Variants in PRELID2 observed in about 807,000 individuals in gnomAD.
The protein encoded by PRELID2 is PRELI domain-containing protein 2.
In PRELID2, 25 loss-of-function variants were observed where a neutral mutation model predicts 28.4. The ratio of observed to expected loss-of-function variants is 0.88; its 90% CI spans 0.64 to 1.23. The LOEUF (loss-of-function observed/expected upper bound fraction) is 1.23, where lower values mean the gene tolerates loss of function less well. PRELID2 is among the 50% of genes most tolerant of loss of function. The pLI, the probability that PRELID2 is intolerant of heterozygous loss-of-function variation, is 0.00. For missense variants in PRELID2, 201 were observed against 214.4 expected (o/e 0.94, Z 0.39); for synonymous variants, 76 against 71.6 (o/e 1.06, Z -0.31).
At chr5:145,617,439 T>C (rs1426534207) in intron 1 of PRELID2, among the ~76,000 whole-genome samples, 1 of 152,156 alleles carries the variant, frequency 6.6e-6, no homozygotes, top group East Asian at 1.9e-4. Flanking sequence ...TCTTCACAAT[T>C]TATATTCTTC....
At position 145,484,958 on chromosome 5, in the gene PRELID2, G is replaced by T. The variant is rs117392079; in HGVS notation, n.71-11643C>A. Reference sequence around the variant, plus strand: ...GGAGCTACTACCAGGGGCTCTTCTAGCTTCTGAGGGTACAAAGGTGAATGA... The same window carrying T: ...GGAGCTACTACCAGGGGCTCTTCTATCTTCTGAGGGTACAAAGGTGAATGA... On this transcript the variant is annotated intron_variant and non_coding_transcript_variant, in intron 1 of 2. Coordinates refer to the PRELID2 transcript ENST00000510259. 2.6e-4 allele frequency among the ~76,000 whole-genome samples: 39 copies of T among 152,296 alleles called. No homozygotes were observed. In the East Asian group the frequency reaches 6.6e-3, roughly 26 times the overall value.
chr5:145,562,732 A>ATTT, intron 1 of PRELID2, among the ~76,000 whole-genome samples: 1 of 152,244 alleles, frequency 6.6e-6, no homozygotes, highest in Non-Finnish European at 1.5e-5. Flanking sequence ...AATCATGAAA[A>ATTT]AGAACCATAG....
chr5:145,761,426 T>C (rs1757469902), intron 6 of PRELID2, among the ~76,000 whole-genome samples: 1 of 152,174 alleles, frequency 6.6e-6, no homozygotes, highest in South Asian at 2.1e-4. Flanking sequence ...TGTCTTAATA[T>C]AAAATCAGCC....
chr5:145,510,341 C>T (rs779269906), intron 1 of PRELID2, among the ~76,000 whole-genome samples: 2 of 152,170 alleles, frequency 1.3e-5, no homozygotes, highest in African/African-American at 4.8e-5. Flanking sequence ...AGACTTTTTT[C>T]TCTCCATTGA....
At chr5:145,602,719 T>A (rs574416060) in intron 1 of PRELID2, among the ~76,000 whole-genome samples, 1 of 152,212 alleles carries the variant, frequency 6.6e-6, no homozygotes, top group African/African-American at 2.4e-5. Flanking sequence ...GAGAACTCAA[T>A]GGATAGGTTT....
At chr5:145,597,529 A>G (rs988208566) in intron 1 of PRELID2, among the ~76,000 whole-genome samples, 4 of 152,188 alleles carry the variant, frequency 2.6e-5, no homozygotes, top group African/African-American at 9.6e-5. Flanking sequence ...TGAACAATAC[A>G]ATACTGCCAA....
the PRELID2 span, among the ~76,000 whole-genome samples, chr5:145,436,819 C>T: frequency 2.0e-5 from 3 of 152,098 alleles, no homozygotes; most frequent in African/African-American, 7.2e-5. Flanking sequence ...CCTCCTTCTT[C>T]CTAACTCTTC....
the PRELID2 span, among the ~76,000 whole-genome samples, chr5:145,288,178 G>A: frequency 6.6e-6 from 1 of 152,076 alleles, no homozygotes; most frequent in Non-Finnish European, 1.5e-5. Context: ...GTCTTTGGAA[G>A]GAAGTTACTA....
intron 1 of PRELID2, among the ~76,000 whole-genome samples, chr5:145,737,788 A>ATGG (rs1561564907): frequency 2.6e-5 from 4 of 152,034 alleles, no homozygotes; most frequent in Non-Finnish European, 5.9e-5. Context: ...CAGGGAGGGC[A>ATGG]GGGGGCCAAT....
At chr5:145,417,096 A>G in the PRELID2 span, among the ~76,000 whole-genome samples, 2 of 152,140 alleles carry the variant, frequency 1.3e-5, no homozygotes, top group African/African-American at 4.8e-5. Context: ...CCACAGAAAT[A>G]CAACCATTAG....
chr5:145,693,325 C>T (rs1254672268), intron 1 of PRELID2, among the ~76,000 whole-genome samples: 1 of 151,694 alleles, frequency 6.6e-6, no homozygotes, highest in Non-Finnish European at 1.5e-5. Flanking sequence ...TTTTTGTATG[C>T]TTGGTAGAGA....
chr5:145,518,493 C>T (rs1331594585), intron 1 of PRELID2, among the ~76,000 whole-genome samples: 1 of 152,080 alleles, frequency 6.6e-6, no homozygotes, highest in African/African-American at 2.4e-5. Flanking sequence ...CCACCACGCC[C>T]GGCCATGAGT....
chr5:145,613,273 A>G (rs1406359326), intron 1 of PRELID2, among the ~76,000 whole-genome samples: 2 of 151,830 alleles, frequency 1.3e-5, no homozygotes, highest in Non-Finnish European at 2.9e-5. Flanking sequence ...CTATTTGTAT[A>G]TCTTCTTTTT....
At chr5:145,714,965 C>A (rs78382167) in intron 1 of PRELID2, among the ~76,000 whole-genome samples, 3 of 152,060 alleles carry the variant, frequency 2.0e-5, no homozygotes, top group African/African-American at 7.2e-5. Context: ...AGGAGTATGT[C>A]GATAACTTAA....
chr5:145,695,367 C>A (rs116579740), intron 1 of PRELID2, among the ~76,000 whole-genome samples: 2 of 152,160 alleles, frequency 1.3e-5, no homozygotes, highest in African/African-American at 4.8e-5. Flanking sequence ...CTGAAGGAGG[C>A]CTGAATGACT....
chr5:145,296,268 G>A, the PRELID2 span, among the ~76,000 whole-genome samples: 5 of 151,402 alleles, frequency 3.3e-5, no homozygotes. Flanking sequence ...GTATACATGT[G>A]CCATGCTGGT....
chr5:145,788,311 T>G (rs1014467370), intron 5 of PRELID2, among the ~76,000 whole-genome samples: 1 of 152,160 alleles, frequency 6.6e-6, no homozygotes, highest in African/African-American at 2.4e-5. Flanking sequence ...TAGCATGACT[T>G]GAGATAAGCA....
Position 145,797,107 on chromosome 5 carries a change from A to T in PRELID2, c.369-560T>A, listed in dbSNP as rs146507828. 2.8e-4 allele frequency among the ~76,000 whole-genome samples: 43 copies of T among 152,274 alleles called. No homozygotes were observed. In the East Asian group the frequency reaches 7.3e-3, roughly 26 times the overall value. ...TATGTCACCATCTCTACCAATTTTC[A>T]TTACCAAAATTATATCAATATTAAT... On this transcript the variant is annotated intron_variant, in intron 4 of 6. Transcript: ENST00000683046.
rs2149893328 is a variant in PRELID2 at position 145,832,273 on chromosome 5, T to C, written c.75+2904A>G. On this transcript the variant is annotated intron_variant, in intron 1 of 6. Transcript: ENST00000683046. ...TGATCTCAGCTCACTGCAACCTCCATCTCTTGGGTTCAAGTGATTCTCATC... is the reference window on the plus strand; with the variant it reads ...TGATCTCAGCTCACTGCAACCTCCACCTCTTGGGTTCAAGTGATTCTCATC... Among the ~76,000 whole-genome samples, 11 of 152,182 alleles carry C rather than the reference T, an allele frequency of 7.2e-5. 3 individuals carry two copies. The Middle Eastern group carries it at 0.037, about 518-fold the overall frequency.
Sources: allele counts gnomAD v4.1 joint callset (sites outside exome capture counted in the v4.1 genomes callset), GRCh38; gene constraint gnomAD v4.1.1; transcripts MANE v1.5; gene names NCBI Gene and HGNC (gene_info 2026-07-23, HGNC 2026-07-21).